EYS: variants seen among roughly 807,000 people sequenced by gnomAD.
The protein encoded by EYS is protein eyes shut homolog.
In EYS, 250 loss-of-function variants were observed where a neutral mutation model predicts 282.1. That is an observed-to-expected ratio of 0.89 (90% CI 0.80 to 0.98). The LOEUF is 0.98. Among genes scored for constraint, EYS ranks in the 50% least tolerant of loss-of-function variants. EYS has a pLI of 0.00. For synonymous variants in EYS, 1,355 were observed against 1,282.9 expected (o/e 1.06, Z -1.20); for missense variants, 4,016 against 3,709.0 (o/e 1.08, Z -2.15).
At chr6:63,826,845 C>CAAAAAAAAAAAAAAAAAGAAAAA (rs1771475400) in intron 36 of EYS, among the ~76,000 whole-genome samples, 1 of 76,762 alleles carries the variant, frequency 1.3e-5, no homozygotes, top group Non-Finnish European at 2.5e-5. Flanking sequence ...AGTTAAAAAG[C>CAAAAAAAAAAAAAAAAAGAAAAA]AAAAAAAAAA....
At chr6:63,840,959 G>C (rs1429263939) in intron 36 of EYS, among the ~76,000 whole-genome samples, 1 of 152,140 alleles carries the variant, frequency 6.6e-6, no homozygotes, top group Non-Finnish European at 1.5e-5. Flanking sequence ...ATATTTTGAA[G>C]TCAGCTTTGT....
chr6:64,374,474 G>A (rs1772500183), intron 29 of EYS, among the ~76,000 whole-genome samples: 1 of 151,766 alleles, frequency 6.6e-6, no homozygotes, highest in Non-Finnish European at 1.5e-5. Context: ...ACAGATCCCT[G>A]TGGAGAGCAT....
At chr6:65,113,713 G>A (rs943143319) in intron 12 of EYS, among the ~76,000 whole-genome samples, 2 of 85,200 alleles carry the variant, frequency 2.3e-5, no homozygotes, top group Non-Finnish European at 4.6e-5. Flanking sequence ...TAGCTGTGTA[G>A]GGAATTATTG....
chr6:64,994,580 C>A (rs977814214), intron 14 of EYS, among the ~76,000 whole-genome samples: 1 of 151,950 alleles, frequency 6.6e-6, no homozygotes, highest in Non-Finnish European at 1.5e-5. Context: ...AAATATTCTG[C>A]AGAAAAATCC....
intron 22 of EYS, among the ~76,000 whole-genome samples, chr6:64,668,588 C>T (rs111570465): frequency 4.1e-5 from 5 of 123,378 alleles, no homozygotes; most frequent in Non-Finnish European, 6.4e-5. Flanking sequence ...CTCGCTCTGT[C>T]GCCCAGGCTG....
chr6:65,484,758 T>C (rs1765728606), intron 5 of EYS, among the ~76,000 whole-genome samples: 2 of 152,192 alleles, frequency 1.3e-5, no homozygotes, highest in Admixed American at 1.3e-4. Context: ...TTTATAGATA[T>C]TTGTCTGTAT....
chr6:65,329,459 T>A, intron 11 of EYS: 3 of 955,730 alleles, frequency 3.1e-6, no homozygotes, highest in Non-Finnish European at 3.7e-6. Context: ...AATATATCAG[T>A]GTATGTAAGT....
chr6:65,413,240 TTTAA>T (rs1767097039), intron 5 of EYS, among the ~76,000 whole-genome samples: 2 of 152,188 alleles, frequency 1.3e-5, no homozygotes, highest in Admixed American at 1.3e-4. Flanking sequence ...AAAATAATAC[TTTAA>T]TTAATTTAGA....
chr6:65,387,105 T>G (rs181418258), intron 7 of EYS, among the ~76,000 whole-genome samples: 1 of 152,168 alleles, frequency 6.6e-6, no homozygotes, highest in Admixed American at 6.6e-5. Context: ...ACCACTGATT[T>G]AAATATCTTT....
chr6:65,212,030 G>C (rs1475003055), intron 12 of EYS, among the ~76,000 whole-genome samples: 1 of 151,872 alleles, frequency 6.6e-6, no homozygotes, highest in Non-Finnish European at 1.5e-5. Context: ...TGTGTTTACT[G>C]TGAAGCAAGG....
At chr6:64,221,168 T>C (rs1019853508) in intron 31 of EYS, among the ~76,000 whole-genome samples, 1 of 152,170 alleles carries the variant, frequency 6.6e-6, no homozygotes, top group African/African-American at 2.4e-5. Context: ...TTATTATCTA[T>C]TGCTTTCCTA....
At chr6:65,692,332 T>A (rs1769274018) in intron 1 of EYS, among the ~76,000 whole-genome samples, 1 of 150,138 alleles carries the variant, frequency 6.7e-6, no homozygotes, top group Admixed American at 6.7e-5. Flanking sequence ...ATGTTTACAC[T>A]GAAGGAGTGA....
intron 13 of EYS, among the ~76,000 whole-genome samples, chr6:65,053,707 G>C (rs1047708144): frequency 6.6e-6 from 1 of 151,838 alleles, no homozygotes; most frequent in Non-Finnish European, 1.5e-5. Flanking sequence ...CTGTACTTGC[G>C]TCTGAAGCAG....
intron 24 of EYS, among the ~76,000 whole-genome samples, chr6:64,594,093 A>G (rs745510790): frequency 6.6e-6 from 1 of 152,196 alleles, no homozygotes; most frequent in Non-Finnish European, 1.5e-5. Context: ...GTTAAATATT[A>G]CATCTAATTT....
intron 37 of EYS, among the ~76,000 whole-genome samples, chr6:63,800,853 G>A (rs1770767063): frequency 6.6e-6 from 1 of 152,180 alleles, no homozygotes; most frequent in South Asian, 2.1e-4. Flanking sequence ...AAAGAAGAAT[G>A]ATCTTTTGAG....
chr6:65,140,927 A>C (rs1007918902), intron 12 of EYS, among the ~76,000 whole-genome samples: 3 of 150,670 alleles, frequency 2.0e-5, no homozygotes, highest in African/African-American at 7.4e-5. Flanking sequence ...TGTGGAAGTC[A>C]GTGTGGCGAT....
chr6:64,744,825 A>C (rs1772499646), intron 22 of EYS, among the ~76,000 whole-genome samples: 2 of 152,202 alleles, frequency 1.3e-5, no homozygotes, highest in Admixed American at 6.5e-5. Context: ...ATTGCTAAAA[A>C]AATAATATTT....
intron 36 of EYS, among the ~76,000 whole-genome samples, chr6:63,820,740 T>C (rs983481644): frequency 2.0e-5 from 3 of 152,216 alleles, no homozygotes; most frequent in Non-Finnish European, 2.9e-5. Flanking sequence ...TCATCAATTG[T>C]ACTCTCATAT....
intron 22 of EYS, among the ~76,000 whole-genome samples, chr6:64,727,260 C>T (rs1438970242): frequency 6.6e-6 from 1 of 152,044 alleles, no homozygotes; most frequent in Non-Finnish European, 1.5e-5. Context: ...GGACGATGCT[C>T]ATATTTCTGC....
Sources: gnomAD v4.1 joint callset for allele counts (sites outside exome capture counted in the v4.1 genomes callset) on GRCh38, gnomAD v4.1.1 for gene constraint, MANE v1.5 for transcripts, NCBI Gene and HGNC (gene_info 2026-07-23, HGNC 2026-07-21) for gene names.